Variants in EIF3H observed in about 807,000 individuals in gnomAD.
EIF3H encodes eukaryotic translation initiation factor 3 subunit H, also known as eIF-3-gamma.
EIF3H carries 26 observed loss-of-function variants against 44.2 expected under a neutral mutation model. The ratio of observed to expected loss-of-function variants is 0.59; its 90% CI spans 0.43 to 0.82. The LOEUF (loss-of-function observed/expected upper bound fraction) is 0.82. Among genes scored for constraint, EIF3H ranks in the 40% least tolerant of loss-of-function variants. The pLI is 0.00. For missense variants in EIF3H, 359 were observed against 432.8 expected (o/e 0.83, Z 1.51); for synonymous variants, 166 against 151.9 (o/e 1.09, Z -0.68).
chr8:116,704,098 G>A (rs1271483031), intron 2 of EIF3H, among the ~76,000 whole-genome samples: 1 of 152,120 alleles, frequency 6.6e-6, no homozygotes, highest in Non-Finnish European at 1.5e-5. Flanking sequence ...CTATCATTCT[G>A]ATACTCTGCT....
chr8:116,756,108 G>C (rs768457713), upstream of EIF3H: 89 of 1,121,254 alleles, frequency 7.9e-5, 1 homozygote, highest in South Asian at 1.2e-3. Flanking sequence ...TATTTCTGTA[G>C]TGTCTCTTAT....
intron 1 of EIF3H, among the ~76,000 whole-genome samples, chr8:116,732,615 G>C (rs1201827863): frequency 6.6e-6 from 1 of 151,674 alleles, no homozygotes; most frequent in Admixed American, 6.6e-5. Context: ...TTTCTGCATA[G>C]AATCACTAGG....
At chr8:116,704,250 TG>T (rs1814430973) in intron 2 of EIF3H, among the ~76,000 whole-genome samples, 1 of 152,132 alleles carries the variant, frequency 6.6e-6, no homozygotes, top group Non-Finnish European at 1.5e-5. Context: ...CTCAGTAAAA[TG>T]GGAACAGTAA....
chr8:116,727,280 T>TA (rs1166393386), intron 1 of EIF3H, among the ~76,000 whole-genome samples: 11 of 151,472 alleles, frequency 7.3e-5, no homozygotes, highest in East Asian at 5.8e-4. Flanking sequence ...GAAACGAAGC[T>TA]AAAAAAAGGC....
intron 1 of EIF3H, among the ~76,000 whole-genome samples, chr8:116,733,227 G>A (rs145539840): frequency 6.6e-6 from 1 of 152,188 alleles, no homozygotes. Context: ...TGGAGGTTAG[G>A]GGGCAGAGCT....
exon 1 of EIF3H, chr8:116,766,042 C>T (rs759505739): frequency 6.6e-5 from 10 of 152,226 alleles, no homozygotes; most frequent in Non-Finnish European, 1.3e-4. Flanking sequence ...CGTGAACGTG[C>T]TTAATTTCTT....
At chr8:116,747,251 A>C (rs190142523) in intron 1 of EIF3H, among the ~76,000 whole-genome samples, 20 of 152,202 alleles carry the variant, frequency 1.3e-4, no homozygotes, top group Non-Finnish European at 2.2e-4. Context: ...TTTTTAGTAG[A>C]GATGGGGTTT....
rs1278358565 is a variant in EIF3H at position 116,642,182 on chromosome 8, A to C, written c.*2824T>G. On this transcript the variant is annotated 3_prime_UTR_variant, in exon 8 of 8. Transcript: ENST00000521861. ...ATGGAGTTTATAATGAAAATAAAAAATTATTTCATAACATTCTGATACCAC... is the reference window on the plus strand; with the variant it reads ...ATGGAGTTTATAATGAAAATAAAAACTTATTTCATAACATTCTGATACCAC... The C allele has an allele frequency of 1.3e-5, 2 of 152,192 alleles. No individual in the cohort carries two copies. The highest frequency in any genetic ancestry group is 2.9e-5 in the Non-Finnish European group (2 of 68,034). The allele number at this position is 152,192 out of a possible 1,614,324, so 9.4% of individuals were successfully genotyped here.
chr8:116,699,199 C>T (rs1312911819), intron 2 of EIF3H, among the ~76,000 whole-genome samples: 2 of 151,964 alleles, frequency 1.3e-5, no homozygotes, highest in East Asian at 3.9e-4. Context: ...ATGCCTAAAT[C>T]CACTGAGTTA....
Position 116,686,656 on chromosome 8 carries a change from G to A in EIF3H, c.290-27676C>T, listed in dbSNP as rs150638981. 1.5e-3 allele frequency among the ~76,000 whole-genome samples: 234 copies of A among 151,590 alleles called. No individual in the cohort carries two copies. In the South Asian group the frequency reaches 0.016, roughly 11 times the overall value. On this transcript the variant is annotated intron_variant, in intron 2 of 7. Transcript: ENST00000521861. ...AAAAAAAGCCACATAAACAATACCAGCTGATCAACAGGTTGTAGGGTACAG... is the reference window on the plus strand; with the variant it reads ...AAAAAAAGCCACATAAACAATACCAACTGATCAACAGGTTGTAGGGTACAG...
At chr8:116,666,330 C>A (rs1211400480) in intron 2 of EIF3H, among the ~76,000 whole-genome samples, 1 of 152,054 alleles carries the variant, frequency 6.6e-6, no homozygotes, top group Non-Finnish European at 1.5e-5. Context: ...CGAACTTTGA[C>A]AATTATTAGA....
chr8:116,702,364 T>A (rs989611679), intron 2 of EIF3H, among the ~76,000 whole-genome samples: 7 of 152,214 alleles, frequency 4.6e-5, no homozygotes, highest in African/African-American at 1.7e-4. Context: ...AAATCCCACA[T>A]ATATCATATC....
intron 2 of EIF3H, among the ~76,000 whole-genome samples, chr8:116,702,409 C>A (rs112067799): frequency 8.4e-4 from 128 of 152,306 alleles, no homozygotes; most frequent in African/African-American, 2.8e-3. Context: ...CTCCTGAAAT[C>A]ATTTCCTATA....
At chr8:116,699,803 G>GT (rs11390402) in intron 2 of EIF3H, among the ~76,000 whole-genome samples, 16,060 of 151,592 alleles carry the variant, frequency 0.11, 1,211 homozygotes, top group East Asian at 0.42. Context: ...AGGTTTTTTG[G>GT]TTTTTTTTGT....
chr8:116,717,113 T>C (rs577641716), intron 2 of EIF3H, among the ~76,000 whole-genome samples: 1 of 152,082 alleles, frequency 6.6e-6, no homozygotes, highest in Non-Finnish European at 1.5e-5. Context: ...CAGAAAATTA[T>C]AGTTTTTATC....
At chr8:116,651,855 G>C (rs924528630) in intron 5 of EIF3H, among the ~76,000 whole-genome samples, 2 of 152,210 alleles carry the variant, frequency 1.3e-5, no homozygotes, top group African/African-American at 2.4e-5. Flanking sequence ...TCTGGAATCT[G>C]TCCTAAGGAC....
chr8:116,736,335 T>C (rs895864000), intron 1 of EIF3H, among the ~76,000 whole-genome samples: 2 of 152,182 alleles, frequency 1.3e-5, no homozygotes, highest in South Asian at 4.1e-4. Context: ...CAATTGTTTA[T>C]AGTTACTAAA....
chr8:116,660,878 G>C (rs1813575337), intron 2 of EIF3H, among the ~76,000 whole-genome samples: 1 of 152,084 alleles, frequency 6.6e-6, no homozygotes, highest in Non-Finnish European at 1.5e-5. Context: ...TATAACCTAT[G>C]CTATACTCTA....
At position 116,697,333 on chromosome 8, in the gene EIF3H, T is replaced by A. The variant is rs752476107; in HGVS notation, c.289+28683A>T. 1.5e-5 allele frequency: 6 copies of A among 390,628 alleles called. 1 individual carries two copies. Among genetic ancestry groups the A allele is most frequent in the Admixed American group, 3.0e-5 (1 of 33,222 alleles). The allele number at this position is 390,628 out of a possible 1,614,324, so 24.2% of individuals were successfully genotyped here. Reference sequence around the variant, plus strand: ...AATTGCATGCCTGCTTGCAAACATATGGGATACTGAAGAACTATTGCTGCT... The same window carrying A: ...AATTGCATGCCTGCTTGCAAACATAAGGGATACTGAAGAACTATTGCTGCT... On this transcript the variant is annotated intron_variant, in intron 2 of 7. Coordinates refer to ENST00000521861, the MANE Select transcript of EIF3H (RefSeq NM_003756.3).
Sources: allele counts gnomAD v4.1 joint callset (sites outside exome capture counted in the v4.1 genomes callset), GRCh38; gene constraint gnomAD v4.1.1; transcripts MANE v1.5; gene names NCBI Gene and HGNC (gene_info 2026-07-23, HGNC 2026-07-21).